Variants in EMCN observed in about 807,000 individuals in gnomAD.
EMCN encodes the protein MUC-14.
Under a neutral mutation model 38.4 loss-of-function variants are expected in EMCN, and 37 were observed. The observed-to-expected ratio is 0.96, with a 90% confidence interval of 0.74 to 1.27. EMCN has a LOEUF of 1.27. EMCN is among the 50% of genes most tolerant of loss of function. The probability of loss-of-function intolerance (pLI) is 0.00; values close to 1 mark genes in which losing one functional copy is unlikely to be tolerated. For missense variants in EMCN, 318 were observed against 302.8 expected, an observed-to-expected ratio of 1.05 and a Z score of -0.37; for synonymous variants, 95 against 100.8, an observed-to-expected ratio of 0.94 and a Z score of 0.35.
chr4:100,496,903 G>A (rs190979986), intron 1 of EMCN, among the ~76,000 whole-genome samples: 5 of 152,128 alleles, frequency 3.3e-5, no homozygotes, highest in Admixed American at 2.0e-4. Context: ...CTCCAAATCA[G>A]TCATGAAGGA....
intron 5 of EMCN, among the ~76,000 whole-genome samples, chr4:100,444,700 A>T (rs920909168): frequency 6.6e-6 from 1 of 152,022 alleles, no homozygotes; most frequent in Admixed American, 6.6e-5. Flanking sequence ...TGGTAACAAA[A>T]CATCAGGGAT....
At chr4:100,469,767 T>G (rs1728423200) in intron 3 of EMCN, among the ~76,000 whole-genome samples, 1 of 152,022 alleles carries the variant, frequency 6.6e-6, no homozygotes, top group African/African-American at 2.4e-5. Flanking sequence ...CTGGGTTCTC[T>G]ATTCTGTTCC....
At chr4:100,452,864 A>T (rs1422120919) in intron 4 of EMCN, among the ~76,000 whole-genome samples, 1 of 152,164 alleles carries the variant, frequency 6.6e-6, no homozygotes, top group Admixed American at 6.5e-5. Context: ...AGCCCTCAGA[A>T]ATAATGCCTC....
chr4:100,437,460 T>TTA (rs1553928205), intron 5 of EMCN, among the ~76,000 whole-genome samples: 1 of 150,294 alleles, frequency 6.7e-6, no homozygotes, highest in Non-Finnish European at 1.5e-5. Flanking sequence ...TGGTCTGATA[T>TTA]AAAAAAAAAA....
chr4:100,509,103 T>C (rs555874672), intron 1 of EMCN, among the ~76,000 whole-genome samples: 4 of 152,332 alleles, frequency 2.6e-5, no homozygotes, highest in Admixed American at 2.6e-4. Context: ...ATATCACCTA[T>C]GTGCCCAAAA....
At chr4:100,451,935 A>G (rs192848475) in intron 4 of EMCN, among the ~76,000 whole-genome samples, 442 of 152,150 alleles carry the variant, frequency 2.9e-3, no homozygotes, top group Non-Finnish European at 5.0e-3. Flanking sequence ...TATTTTACAG[A>G]TGAAGAAACT....
intron 4 of EMCN, among the ~76,000 whole-genome samples, chr4:100,460,111 G>A (rs77723604): frequency 3.6e-4 from 55 of 151,992 alleles, no homozygotes; most frequent in African/African-American, 1.3e-3. Flanking sequence ...TTTTGATAAT[G>A]GCCATTCTAA....
intron 5 of EMCN, among the ~76,000 whole-genome samples, chr4:100,443,774 C>A (rs1246173972): frequency 6.6e-6 from 1 of 152,172 alleles, no homozygotes; most frequent in African/African-American, 2.4e-5. Context: ...GTGCACCTCA[C>A]CATCTTAGGC....
At chr4:100,429,277 A>G (rs1005249520) in intron 5 of EMCN, among the ~76,000 whole-genome samples, 1 of 152,170 alleles carries the variant, frequency 6.6e-6, no homozygotes, top group African/African-American at 2.4e-5. Context: ...TGAGTGGTAT[A>G]GACAATAAGT....
At chr4:100,465,283 A>T in intron 4 of EMCN, 140 bp downstream of exon 4, 1 of 493,066 alleles carries the variant, frequency 2.0e-6, no homozygotes, top group Non-Finnish European at 3.6e-6. Context: ...AGGCTGCCAA[A>T]TGATTGTTCT....
intron 4 of EMCN, among the ~76,000 whole-genome samples, chr4:100,449,324 G>T (rs1727774333): frequency 6.6e-6 from 1 of 152,022 alleles, no homozygotes; most frequent in Admixed American, 6.6e-5. Context: ...CCATTTTGCA[G>T]ATCTGTAAAC....
At chr4:100,467,872 C>T (rs963489712) in intron 3 of EMCN, among the ~76,000 whole-genome samples, 1 of 152,002 alleles carries the variant, frequency 6.6e-6, no homozygotes, top group Non-Finnish European at 1.5e-5. Flanking sequence ...TTCTACTTTC[C>T]CCTACAAAAC....
chr4:100,480,955 T>G (rs1728789165), intron 1 of EMCN, among the ~76,000 whole-genome samples: 1 of 152,094 alleles, frequency 6.6e-6, no homozygotes. Flanking sequence ...ATTATTGTAA[T>G]TTATTAGCAT....
intron 10 of EMCN, among the ~76,000 whole-genome samples, chr4:100,414,164 TATGTTTAG>T (rs1374563616): frequency 2.0e-5 from 3 of 152,046 alleles, no homozygotes; most frequent in Non-Finnish European, 4.4e-5. Flanking sequence ...CACTTCCAGG[TATGTTTAG>T]CACCCTGACT....
At chr4:100,439,977 T>C (rs1003746424) in intron 5 of EMCN, among the ~76,000 whole-genome samples, 8 of 152,110 alleles carry the variant, frequency 5.3e-5, no homozygotes, top group South Asian at 4.1e-4. Context: ...CATAGCATTA[T>C]AGTCTGAAAT....
At chr4:100,419,091 C>T (rs1726817837) in intron 8 of EMCN, among the ~76,000 whole-genome samples, 1 of 151,746 alleles carries the variant, frequency 6.6e-6, no homozygotes, top group Non-Finnish European at 1.5e-5. Context: ...AATATTTTTT[C>T]CCTAGGAAAC....
intron 5 of EMCN, among the ~76,000 whole-genome samples, chr4:100,430,615 T>C (rs1013505260): frequency 1.3e-5 from 2 of 152,188 alleles, no homozygotes; most frequent in Admixed American, 1.3e-4. Context: ...AAGTGATTGC[T>C]GGGCAGCTCA....
chr4:100,485,244 T>A (rs766440700), intron 1 of EMCN, among the ~76,000 whole-genome samples: 1 of 152,184 alleles, frequency 6.6e-6, no homozygotes, highest in East Asian at 1.9e-4. Flanking sequence ...TTATATGGTC[T>A]TCATGCATTG....
intron 1 of EMCN, among the ~76,000 whole-genome samples, chr4:100,512,415 T>A (rs1490101463): frequency 1.3e-5 from 2 of 152,122 alleles, no homozygotes; most frequent in Admixed American, 1.3e-4. Context: ...CTTCTATCAG[T>A]CAAAAGGTAC....
Sources: gnomAD v4.1 joint callset for allele counts (sites outside exome capture counted in the v4.1 genomes callset) on GRCh38, gnomAD v4.1.1 for gene constraint, MANE v1.5 for transcripts, NCBI Gene and HGNC (gene_info 2026-07-23, HGNC 2026-07-21) for gene names.